GPC5: variants seen among roughly 807,000 people sequenced by gnomAD.
GPC5 encodes the protein glypican 5, also known as glypican-5.
Under a neutral mutation model 53.9 loss-of-function variants are expected in GPC5, and 47 were observed. That is an observed-to-expected ratio of 0.87 (90% CI 0.69 to 1.11). The LOEUF (loss-of-function observed/expected upper bound fraction) is 1.11, where lower values mean the gene tolerates loss of function less well. Among genes scored for constraint, GPC5 ranks in the 50% most tolerant of loss-of-function variants. GPC5 has a pLI of 0.00. For synonymous variants in GPC5, 286 were observed against 263.3 expected, an observed-to-expected ratio of 1.09 and a Z score of -0.84; for missense variants, 748 against 713.1, an observed-to-expected ratio of 1.05 and a Z score of -0.56.
intron 7 of GPC5, among the ~76,000 whole-genome samples, chr13:92,635,106 T>C (rs1227463561): frequency 6.6e-6 from 1 of 152,110 alleles, no homozygotes; most frequent in Non-Finnish European, 1.5e-5. Flanking sequence ...CAGATAAACC[T>C]TTTATCTGAT....
chr13:92,094,305 A>G (rs539342970), intron 6 of GPC5, among the ~76,000 whole-genome samples: 1 of 152,220 alleles, frequency 6.6e-6, no homozygotes, highest in South Asian at 2.1e-4. Context: ...TCACGAAGTC[A>G]GTAGATTGAG....
intron 7 of GPC5, among the ~76,000 whole-genome samples, chr13:92,347,874 A>AT (rs1484519798): frequency 3.0e-4 from 2 of 6,646 alleles, no homozygotes; most frequent in African/African-American, 9.2e-4. Context: ...TTATATATAT[A>AT]ATATATATTA....
chr13:92,126,605 A>G (rs1429017342), intron 6 of GPC5, among the ~76,000 whole-genome samples: 7 of 152,184 alleles, frequency 4.6e-5, no homozygotes, highest in Admixed American at 4.6e-4. Flanking sequence ...ATGCTCATTC[A>G]TTATGTAATG....
Position 92,311,326 on chromosome 13 carries a change from C to A in GPC5, c.1561+166337C>A, listed in dbSNP as rs534874878. On this transcript the variant is annotated intron_variant, in intron 7 of 7. Coordinates refer to ENST00000377067, the MANE Select transcript of GPC5 (RefSeq NM_004466.6). Reference sequence around the variant, plus strand: ...TGAAGATGGCTCCTGCCCTTTAGGGCCATTTCAGAAGGTGAATTGGGCTCA... The same window carrying A: ...TGAAGATGGCTCCTGCCCTTTAGGGACATTTCAGAAGGTGAATTGGGCTCA... Among the ~76,000 whole-genome samples the A allele has an allele frequency of 5.3e-5, 8 of 152,138 alleles. No homozygotes were observed. The East Asian group carries it at 1.5e-3, about 29-fold the overall frequency.
intron 7 of GPC5, among the ~76,000 whole-genome samples, chr13:92,617,465 GT>G (rs1275399374): frequency 6.6e-6 from 1 of 151,958 alleles, no homozygotes; most frequent in African/African-American, 2.4e-5. Flanking sequence ...ATTTTCCAGG[GT>G]TTTAATTCCT....
At chr13:92,585,208 A>AC (rs900259566) in intron 7 of GPC5, among the ~76,000 whole-genome samples, 1 of 152,002 alleles carries the variant, frequency 6.6e-6, no homozygotes, top group African/African-American at 2.4e-5. Flanking sequence ...AGCCACAGAC[A>AC]CTCAACACTA....
chr13:92,699,223 T>G (rs1400620418), intron 7 of GPC5, among the ~76,000 whole-genome samples: 1 of 152,220 alleles, frequency 6.6e-6, no homozygotes, highest in Non-Finnish European at 1.5e-5. Flanking sequence ...ATAGAAGTGT[T>G]TATAGTATTC....
intron 7 of GPC5, among the ~76,000 whole-genome samples, chr13:92,482,405 TA>T (rs1178290536): frequency 1.3e-5 from 2 of 152,190 alleles, no homozygotes; most frequent in Non-Finnish European, 2.9e-5. Context: ...AAGAATCTCC[TA>T]AAAAATTAAC....
At chr13:92,033,846 AT>A (rs896162845) in intron 6 of GPC5, among the ~76,000 whole-genome samples, 1 of 152,202 alleles carries the variant, frequency 6.6e-6, no homozygotes, top group African/African-American at 2.4e-5. Context: ...AATCCCAGTA[AT>A]TTACAAGGCA....
intron 7 of GPC5, among the ~76,000 whole-genome samples, chr13:92,285,058 A>T (rs112460915): frequency 2.0e-5 from 3 of 152,338 alleles, no homozygotes; most frequent in African/African-American, 7.2e-5. Context: ...AGGATACAAA[A>T]TCAATGTGCA....
At chr13:92,433,587 A>T (rs1305676375) in intron 7 of GPC5, among the ~76,000 whole-genome samples, 4 of 152,176 alleles carry the variant, frequency 2.6e-5, no homozygotes, top group African/African-American at 9.6e-5. Flanking sequence ...GATGTCAAGC[A>T]GCTCAGATAT....
Position 92,814,518 on chromosome 13 carries a change from G to A in GPC5, c.1562-51764G>A, listed in dbSNP as rs868137573. ...TCTACTAAAAATACAAAAATTAGCC[G>A]GGCATGGTGGCAGAAGCTAGTAGTT... On this transcript the variant is annotated intron_variant, in intron 7 of 7. Transcript: ENST00000377067. Among the ~76,000 whole-genome samples the A allele has an allele frequency of 8.6e-5, 13 of 151,476 alleles. 1 individual carries two copies. The highest frequency in any genetic ancestry group is 2.9e-4 in the African/African-American group (12 of 41,028).
intron 7 of GPC5, among the ~76,000 whole-genome samples, chr13:92,394,761 A>T (rs1322781765): frequency 6.6e-6 from 1 of 152,206 alleles, no homozygotes; most frequent in South Asian, 2.1e-4. Context: ...ATATGTATAT[A>T]GTTCTTTAAG....
At chr13:92,502,190 C>A (rs1594255382) in intron 7 of GPC5, among the ~76,000 whole-genome samples, 2 of 152,054 alleles carry the variant, frequency 1.3e-5, no homozygotes, top group East Asian at 3.9e-4. Context: ...TCACTGGACA[C>A]ACACACACAT....
intron 7 of GPC5, among the ~76,000 whole-genome samples, chr13:92,640,979 G>C (rs1266695004): frequency 6.6e-6 from 1 of 151,844 alleles, no homozygotes; most frequent in Non-Finnish European, 1.5e-5. Flanking sequence ...ATGGGGTGGC[G>C]GGGGAGGGGA....
intron 7 of GPC5, among the ~76,000 whole-genome samples, chr13:92,471,082 C>A (rs1878891387): frequency 6.6e-6 from 1 of 152,006 alleles, no homozygotes. Context: ...GCAGCCGTGT[C>A]CTTATCGGGG....
chr13:91,866,757 T>C (rs1354084615), intron 5 of GPC5, among the ~76,000 whole-genome samples: 1 of 152,246 alleles, frequency 6.6e-6, no homozygotes, highest in East Asian at 1.9e-4. Flanking sequence ...GAACCTTTCA[T>C]ATTAAAATTA....
intron 6 of GPC5, among the ~76,000 whole-genome samples, chr13:91,922,556 T>G (rs1248061895): frequency 1.3e-5 from 2 of 152,200 alleles, no homozygotes; most frequent in East Asian, 3.8e-4. Context: ...CAATTATATC[T>G]TTTTCTCTGT....
At chr13:91,701,408 A>C (rs1405482812) in intron 3 of GPC5, among the ~76,000 whole-genome samples, 4 of 152,074 alleles carry the variant, frequency 2.6e-5, no homozygotes, top group South Asian at 2.1e-4. Flanking sequence ...TGACTTTTTT[A>C]GATTCTACAT....
Sources: allele counts gnomAD v4.1 joint callset (sites outside exome capture counted in the v4.1 genomes callset), GRCh38; gene constraint gnomAD v4.1.1; transcripts MANE v1.5; gene names NCBI Gene and HGNC (gene_info 2026-07-23, HGNC 2026-07-21).